The following KIAA1217 variants were observed in gnomAD, a reference collection of about 807,000 sequenced individuals.
KIAA1217 encodes the protein KIAA1217, also known as sickle tail protein homolog.
Under a neutral mutation model 163.9 loss-of-function variants are expected in KIAA1217, and 88 were observed. That is an observed-to-expected ratio of 0.54 (90% CI 0.45 to 0.64). The LOEUF (loss-of-function observed/expected upper bound fraction) is 0.64. Among genes scored for constraint, KIAA1217 ranks in the 30% least tolerant of loss-of-function variants. The pLI is 0.00. For missense variants in KIAA1217, 2,372 were observed against 2,475.0 expected, an observed-to-expected ratio of 0.96 and a Z score of 0.88; for synonymous variants, 903 against 923.1, an observed-to-expected ratio of 0.98 and a Z score of 0.39.
At chr10:24,305,075 G>T (rs540749933) in intron 2 of KIAA1217, among the ~76,000 whole-genome samples, 8 of 152,272 alleles carry the variant, frequency 5.3e-5, no homozygotes, top group Middle Eastern at 3.4e-3. Context: ...GATGATGAAG[G>T]TCTCAAAGTT....
In KIAA1217 at chr10:24,533,206, A is replaced by G. The variant is rs2073383892; in HGVS notation, c.3383A>G (p.Glu1128Gly). Reference sequence around the variant, plus strand: ...TCAAAGGATGAGGAGGAAGAAGAAGAAGAAGGAGACAAAATAATGGCAGAA... The same window carrying G: ...TCAAAGGATGAGGAGGAAGAAGAAGGAGAAGGAGACAAAATAATGGCAGAA... ...SSSKDEEEEE[E>G]EGDKIMAELQ... Residue 1128 changes from glutamate to glycine, a missense_variant, in exon 16 of 21, where the codon GAA becomes GGA. This residue lies in a region of KIAA1217 where 1,431 missense variants were observed against 1,470.3 expected (regional missense o/e 0.97). Transcript: ENST00000376454. The G allele has an allele frequency of 1.2e-6, 2 of 1,613,078 alleles. No individual in the cohort carries two copies. Among genetic ancestry groups the G allele is most frequent in the African/African-American group, 2.7e-5 (2 of 74,908 alleles).
intron 1 of KIAA1217, among the ~76,000 whole-genome samples, chr10:23,765,914 C>T (rs1404430323): frequency 6.6e-6 from 1 of 152,194 alleles, no homozygotes; most frequent in Non-Finnish European, 1.5e-5. Context: ...AAAGCATTAA[C>T]TTGCTATACT....
intron 2 of KIAA1217, among the ~76,000 whole-genome samples, chr10:24,122,370 A>G (rs957101738): frequency 6.6e-6 from 1 of 152,062 alleles, no homozygotes; most frequent in Non-Finnish European, 1.5e-5. Flanking sequence ...GTGTATATGT[A>G]CCACATTTTC....
At chr10:23,779,851 G>A (rs576696931) in intron 1 of KIAA1217, among the ~76,000 whole-genome samples, 6 of 152,166 alleles carry the variant, frequency 3.9e-5, no homozygotes, top group South Asian at 2.1e-4. Context: ...TATTTTTACC[G>A]TATCTTTTCT....
At chr10:23,850,613 C>A (rs1435184303) in intron 1 of KIAA1217, among the ~76,000 whole-genome samples, 2 of 152,030 alleles carry the variant, frequency 1.3e-5, no homozygotes, top group African/African-American at 2.4e-5. Flanking sequence ...AACATTTATA[C>A]AAGATTTGGT....
At position 24,088,272 on chromosome 10, in the gene KIAA1217, T is replaced by TATATATATATAC. The variant is rs1554861345; in HGVS notation, c.-171+80901_-171+80902insTATATATACATA. Among the ~76,000 whole-genome samples, 38 of 107,194 alleles carry TATATATATATAC rather than the reference T, an allele frequency of 3.5e-4. 4 individuals are homozygous for TATATATATATAC. The highest frequency in any genetic ancestry group is 1.1e-3 in the African/African-American group (38 of 34,116). The allele number at this position is 107,194 out of a possible 152,430, so 70.3% of individuals were successfully genotyped here. ...TTTAATATACATATATATATATATATATACACACATATATGTGTATATATA... is the reference window on the plus strand; with the variant it reads ...TTTAATATACATATATATATATATATATATATATATACATACACACATATATGTGTATATATA... On this transcript the variant is annotated intron_variant, in intron 2 of 18. Coordinates refer to the KIAA1217 transcript ENST00000376462.
At chr10:23,895,897 A>G (rs992589739) in intron 1 of KIAA1217, among the ~76,000 whole-genome samples, 2 of 150,856 alleles carry the variant, frequency 1.3e-5, no homozygotes, top group Non-Finnish European at 3.0e-5. Context: ...CAAGAACAAA[A>G]AACCAAACAC....
intron 2 of KIAA1217, among the ~76,000 whole-genome samples, chr10:24,167,382 A>G (rs1376515951): frequency 8.6e-5 from 13 of 152,018 alleles, no homozygotes; most frequent in Admixed American, 8.5e-4. Context: ...ACAATATTGT[A>G]GGATTCAAAG....
At chr10:23,981,659 C>G (rs978161262) in intron 1 of KIAA1217, among the ~76,000 whole-genome samples, 1 of 152,070 alleles carries the variant, frequency 6.6e-6, no homozygotes, top group African/African-American at 2.4e-5. Flanking sequence ...GCTCTATTTT[C>G]CCCCTGGAAA....
In KIAA1217 at chr10:24,158,093, C is replaced by T. The variant is rs898961327; in HGVS notation, c.-170-61533C>T. ...AGCTCATAAAGATAAAAGTGGCGCT[C>T]CACAAGTTAGAAGTATATATGATGA... On this transcript the variant is annotated intron_variant, in intron 2 of 18. Coordinates refer to the KIAA1217 transcript ENST00000376462. 1.9e-5 allele frequency: 14 copies of T among 755,274 alleles called. No homozygotes were observed. The African/African-American group carries it at 2.1e-4, about 11-fold the overall frequency. The allele number at this position is 755,274 out of a possible 1,614,324, so 46.8% of individuals were successfully genotyped here. A position where few individuals can be genotyped will look rare whatever the true frequency, so the allele number is the denominator to read the frequency against.
At chr10:23,970,902 G>C (rs182941200) in intron 1 of KIAA1217, among the ~76,000 whole-genome samples, 172 of 152,290 alleles carry the variant, frequency 1.1e-3, no homozygotes, top group African/African-American at 3.3e-3. Context: ...TTCAACTGAG[G>C]GGGGGATAAG....
At chr10:24,446,507 T>A (rs2060946002) in intron 5 of KIAA1217, among the ~76,000 whole-genome samples, 1 of 152,188 alleles carries the variant, frequency 6.6e-6, no homozygotes, top group Non-Finnish European at 1.5e-5. Context: ...AGTGTTCTTG[T>A]TGAGAAGAGG....
At chr10:24,510,868 GAGA>G (rs1411987158) in intron 9 of KIAA1217, among the ~76,000 whole-genome samples, 1 of 152,126 alleles carries the variant, frequency 6.6e-6, no homozygotes, top group Admixed American at 6.6e-5. Context: ...CAACCATTTA[GAGA>G]AGAATTTTGG....
rs557274925 is a variant in KIAA1217 at position 23,738,138 on chromosome 10, A to AT, written c.-321+42909dup. 5.2e-4 allele frequency among the ~76,000 whole-genome samples: 79 copies of AT among 152,082 alleles called. No individual in the cohort carries two copies. In the South Asian group the frequency reaches 8.7e-3, roughly 17 times the overall value. ...GATATGGAAAAGAAAAGTATAGTTG[A>AT]TTTTTCCCCCACTTTGGTTAATTTT... On this transcript the variant is annotated intron_variant, in intron 1 of 18. Coordinates refer to the KIAA1217 transcript ENST00000376462.
intron 1 of KIAA1217, among the ~76,000 whole-genome samples, chr10:23,939,327 C>G (rs904149787): frequency 6.6e-6 from 1 of 151,948 alleles, no homozygotes; most frequent in African/African-American, 2.4e-5. Flanking sequence ...TCAACAATCC[C>G]TATACGGGGA....
chr10:24,480,828 G>C (rs1442529557), intron 6 of KIAA1217, among the ~76,000 whole-genome samples: 1 of 152,194 alleles, frequency 6.6e-6, no homozygotes, highest in African/African-American at 2.4e-5. Flanking sequence ...AGAATAGAAT[G>C]AGCTGGGCTT....
intron 2 of KIAA1217, among the ~76,000 whole-genome samples, chr10:24,016,367 T>C (rs1847478918): frequency 6.6e-6 from 1 of 152,084 alleles, no homozygotes; most frequent in Non-Finnish European, 1.5e-5. Context: ...TTTTCTCAGC[T>C]CAGTGATCAA....
intron 2 of KIAA1217, among the ~76,000 whole-genome samples, chr10:24,299,347 A>G (rs1175179899): frequency 2.0e-5 from 3 of 152,182 alleles, no homozygotes; most frequent in Non-Finnish European, 4.4e-5. Flanking sequence ...CTGTACATCA[A>G]ATTACACCAA....
intron 1 of KIAA1217, among the ~76,000 whole-genome samples, chr10:23,735,757 ATATCT>A (rs1180764825): frequency 2.0e-5 from 3 of 152,066 alleles, no homozygotes; most frequent in Admixed American, 6.6e-5. Context: ...TTTCTTTGTG[ATATCT>A]TATTTAAACA....
Sources: allele counts gnomAD v4.1 joint callset (sites outside exome capture counted in the v4.1 genomes callset), GRCh38; gene constraint gnomAD v4.1.1; regional missense constraint gnomAD v4.1.1; transcripts MANE v1.5; gene names NCBI Gene and HGNC (gene_info 2026-07-23, HGNC 2026-07-21).